Variants in CDH20 observed in about 807,000 individuals in gnomAD.
CDH20 encodes the protein cadherin 20, also known as cadherin-20.
Under a neutral mutation model 74.2 loss-of-function variants are expected in CDH20, and 29 were observed. That is an observed-to-expected ratio of 0.39 (90% CI 0.29 to 0.53). CDH20 has a LOEUF of 0.53. Among genes scored for constraint, CDH20 ranks in the 20% least tolerant of loss-of-function variants. CDH20 has a pLI of 0.69. For synonymous variants in CDH20, 469 were observed against 405.4 expected (o/e 1.16, Z -1.88); for missense variants, 988 against 1,048.3 (o/e 0.94, Z 0.79).
chr18:61,461,396 G>A (rs1172484155), intron 1 of CDH20, among the ~76,000 whole-genome samples: 2 of 149,730 alleles, frequency 1.3e-5, no homozygotes, highest in East Asian at 4.0e-4. Flanking sequence ...TTAAAATTAA[G>A]ATGTTGGGAG....
chr18:61,481,477 C>T (rs1391344023), intron 1 of CDH20, among the ~76,000 whole-genome samples: 1 of 152,096 alleles, frequency 6.6e-6, no homozygotes, highest in Non-Finnish European at 1.5e-5. Flanking sequence ...AAATGATACA[C>T]TATGTTCTAA....
intron 8 of CDH20, among the ~76,000 whole-genome samples, chr18:61,537,783 G>A (rs575604064): frequency 2.0e-4 from 30 of 152,174 alleles, no homozygotes; most frequent in Non-Finnish European, 4.0e-4. Context: ...AATTTTGCTA[G>A]CATATTATGG....
chr18:61,475,194 G>T (rs577585892), intron 1 of CDH20, among the ~76,000 whole-genome samples: 1 of 152,338 alleles, frequency 6.6e-6, no homozygotes, highest in East Asian at 1.9e-4. Flanking sequence ...GGCAATGGCA[G>T]AAGGAATGGA....
In CDH20 at chr18:61,455,487, G is replaced by A. The variant is rs1473796202; in HGVS notation, c.-152-34915G>A. 3.9e-5 allele frequency among the ~76,000 whole-genome samples: 6 copies of A among 152,122 alleles called. No individual in the cohort carries two copies. The East Asian group carries it at 1.2e-3, about 29-fold the overall frequency. On this transcript the variant is annotated intron_variant, in intron 1 of 11. Transcript: ENST00000262717. Reference sequence around the variant, plus strand: ...ATGCAAATTTAAATAACCTTAAGGAGGCACAAATTTTGAGTCATTTATTCT... The same window carrying A: ...ATGCAAATTTAAATAACCTTAAGGAAGCACAAATTTTGAGTCATTTATTCT...
chr18:61,362,866 A>G (rs1372968804), intron 1 of CDH20, among the ~76,000 whole-genome samples: 9 of 152,158 alleles, frequency 5.9e-5, no homozygotes. Flanking sequence ...TGTTTAATTT[A>G]CTTATCCAAA....
chr18:61,421,378 A>G lies in CDH20; in HGVS notation c.-152-69024A>G, dbSNP rs183364191. On this transcript the variant is annotated intron_variant, in intron 1 of 11. Transcript: ENST00000262717. ...ATATTCTCTCTTATTATCTTTTCAA[A>G]TTTACTGTTATCACCAGAGGCATAA... Among the ~76,000 whole-genome samples the G allele has an allele frequency of 2.5e-3, 387 of 152,286 alleles. 2 individuals are homozygous for G. Among genetic ancestry groups the G allele is most frequent in the African/African-American group, 8.8e-3 (365 of 41,558 alleles).
rs926980533 is a variant in CDH20, at chr18:61,356,391, G to C, written c.-153+22564G>C. Among the ~76,000 whole-genome samples, 25 of 151,890 alleles carry C rather than the reference G, an allele frequency of 1.6e-4. No homozygotes were observed. In the East Asian group the frequency reaches 1.7e-3, roughly 11 times the overall value. ...GTATTTTTCTTAATTTTTAAATCAG[G>C]CATTTGTAATTAAGTACTTATAAGT... On this transcript the variant is annotated intron_variant, in intron 1 of 11. Coordinates refer to ENST00000262717, the MANE Select transcript of CDH20 (RefSeq NM_031891.4).
chr18:61,553,693 T>A (rs1913515631), intron 11 of CDH20, among the ~76,000 whole-genome samples: 1 of 152,230 alleles, frequency 6.6e-6, no homozygotes, highest in African/African-American at 2.4e-5. Context: ...CATATTAAGA[T>A]ATGATTATAT....
At chr18:61,379,484 T>C (rs566891583) in intron 1 of CDH20, among the ~76,000 whole-genome samples, 21 of 152,340 alleles carry the variant, frequency 1.4e-4, no homozygotes, top group Admixed American at 1.2e-3. Context: ...GTCTTTTCTC[T>C]TTCTAGGCTC....
At chr18:61,377,615 T>A (rs1417110733) in intron 1 of CDH20, among the ~76,000 whole-genome samples, 2 of 152,096 alleles carry the variant, frequency 1.3e-5, no homozygotes, top group African/African-American at 4.8e-5. Context: ...AAAATTAATA[T>A]TTTTAAATAT....
intron 1 of CDH20, among the ~76,000 whole-genome samples, chr18:61,362,307 T>C (rs1910719232): frequency 6.6e-6 from 1 of 152,156 alleles, no homozygotes; most frequent in East Asian, 1.9e-4. Context: ...ATTATACATA[T>C]GGAAACATAG....
intron 6 of CDH20, among the ~76,000 whole-genome samples, chr18:61,512,481 G>T (rs1320546737): frequency 2.0e-5 from 3 of 152,082 alleles, no homozygotes; most frequent in African/African-American, 4.8e-5. Flanking sequence ...AACAGTTCTT[G>T]CCAATTTAAA....
chr18:61,470,764 C>T (rs1460581685), intron 1 of CDH20, among the ~76,000 whole-genome samples: 1 of 151,984 alleles, frequency 6.6e-6, no homozygotes, highest in African/African-American at 2.4e-5. Context: ...GTACTATTGA[C>T]CTAAATTATG....
chr18:61,527,984 C>G lies in CDH20; in HGVS notation c.1035C>G (p.Ser345Arg). The G allele has an allele frequency of 3.1e-6, 5 of 1,613,980 alleles. No individual in the cohort carries two copies. The highest frequency in any genetic ancestry group is 4.2e-6 in the Non-Finnish European group (5 of 1,179,902). ...ITVKKPLSFE[S>R]KKSYTLKVEG... ...CTTTTCAGCCCCTGAGTTTTGAAAG[C>G]AAGAAAAGCTACACCTTAAAGGTGG... Residue 345 changes from serine to arginine, a missense_variant, in exon 7 of 12, where the codon AGC becomes AGG. By Grantham distance (110) the Ser-to-Arg change is moderately radical. Around this residue, in one of 2 missense-constraint regions of CDH20, gnomAD observed 613 missense variants for 755.2 expected, o/e 0.81. Coordinates refer to ENST00000262717, the MANE Select transcript of CDH20 (RefSeq NM_031891.4).
chr18:61,427,078 A>C (rs888394279), intron 1 of CDH20, among the ~76,000 whole-genome samples: 4 of 152,162 alleles, frequency 2.6e-5, no homozygotes, highest in Admixed American at 1.3e-4. Flanking sequence ...TATTGTTGGT[A>C]GGGGGAGATT....
At chr18:61,465,543 T>G (rs1197661031) in intron 1 of CDH20, among the ~76,000 whole-genome samples, 1 of 151,786 alleles carries the variant, frequency 6.6e-6, no homozygotes, top group Non-Finnish European at 1.5e-5. Context: ...CTCCAAAACA[T>G]TTTTAAATTT....
At chr18:61,486,411 A>C (rs1008464072) in intron 1 of CDH20, among the ~76,000 whole-genome samples, 1 of 152,198 alleles carries the variant, frequency 6.6e-6, no homozygotes, top group African/African-American at 2.4e-5. Flanking sequence ...TTTTTACTCC[A>C]ATTTATACTG....
At chr18:61,355,468 G>T (rs1350805106) in intron 1 of CDH20, among the ~76,000 whole-genome samples, 1 of 152,178 alleles carries the variant, frequency 6.6e-6, no homozygotes, top group East Asian at 1.9e-4. Flanking sequence ...TACACACAAG[G>T]AAAGAACACA....
intron 6 of CDH20, among the ~76,000 whole-genome samples, chr18:61,514,793 C>A (rs1353360291): frequency 3.3e-5 from 5 of 152,050 alleles, no homozygotes; most frequent in Non-Finnish European, 7.3e-5. Flanking sequence ...CTGGGGGGTG[C>A]CTCCCAGTTA....
Sources: allele counts gnomAD v4.1 joint callset (sites outside exome capture counted in the v4.1 genomes callset), GRCh38; gene constraint gnomAD v4.1.1; regional missense constraint gnomAD v4.1.1; transcripts MANE v1.5; gene names NCBI Gene and HGNC (gene_info 2026-07-23, HGNC 2026-07-21).